The following CACNA2D3 variants were observed in gnomAD, a reference collection of about 807,000 sequenced individuals.
The protein encoded by CACNA2D3 is voltage-dependent calcium channel subunit alpha-2/delta-3.
A neutral mutation model predicts 160.6 loss-of-function variants in CACNA2D3; 60 were observed. The observed-to-expected ratio is 0.37, with a 90% CI of 0.30 to 0.46. The LOEUF (loss-of-function observed/expected upper bound fraction) is 0.46. CACNA2D3 is among the 20% of genes least tolerant of loss of function. The pLI, the probability that CACNA2D3 is intolerant of heterozygous loss-of-function variation, is 1.00. For synonymous variants in CACNA2D3, 558 were observed against 492.9 expected (o/e 1.13, Z -1.75); for missense variants, 1,205 against 1,365.0 (o/e 0.88, Z 1.85).
intron 11 of CACNA2D3, among the ~76,000 whole-genome samples, chr3:54,708,988 C>G (rs1469937412): frequency 6.6e-6 from 1 of 150,396 alleles, no homozygotes; most frequent in Non-Finnish European, 1.5e-5. Flanking sequence ...AACCCTAAAA[C>G]CTAATTCTAT....
chr3:54,194,945 T>C (rs1701051899), intron 2 of CACNA2D3, among the ~76,000 whole-genome samples: 1 of 152,206 alleles, frequency 6.6e-6, no homozygotes, highest in African/African-American at 2.4e-5. Flanking sequence ...TTAGGTCTTC[T>C]GTGAAAGGGC....
intron 2 of CACNA2D3, among the ~76,000 whole-genome samples, chr3:54,289,462 C>T (rs1022568421): frequency 2.0e-5 from 3 of 151,874 alleles, no homozygotes; most frequent in Admixed American, 6.6e-5. Context: ...GAATCAATAT[C>T]GTGAAAATGG....
chr3:54,419,690 C>A (rs1699808660), intron 4 of CACNA2D3, among the ~76,000 whole-genome samples: 1 of 152,152 alleles, frequency 6.6e-6, no homozygotes, highest in Non-Finnish European at 1.5e-5. Flanking sequence ...ACTGAAGTTT[C>A]CAGGAGCACC....
chr3:54,543,190 T>C (rs1702008560), intron 5 of CACNA2D3, among the ~76,000 whole-genome samples: 1 of 152,216 alleles, frequency 6.6e-6, no homozygotes, highest in Non-Finnish European at 1.5e-5. Context: ...TATACTGCTG[T>C]TACAGATCAG....
intron 2 of CACNA2D3, chr3:54,272,624 CT>C (rs1211335859): frequency 6.6e-6 from 1 of 152,148 alleles, no homozygotes; most frequent in African/African-American, 2.4e-5. Flanking sequence ...CCAGACACAG[CT>C]GGGTCTGGCT....
rs373887521 is a variant in CACNA2D3 at position 54,225,725 on chromosome 3, C to A, written c.205-94717C>A. On this transcript the variant is annotated intron_variant, in intron 2 of 37. Coordinates refer to ENST00000474759, the MANE Select transcript of CACNA2D3 (RefSeq NM_018398.3). ...CTATTAATTATAGTTATTTTAAAGC[C>A]TGTGTCTGATGACCTCAAACCTGTA... 4.6e-5 allele frequency among the ~76,000 whole-genome samples: 7 copies of A among 151,530 alleles called. 1 individual carries two copies. Among genetic ancestry groups the A allele is most frequent in the Admixed American group, 2.6e-4 (4 of 15,228 alleles).
intron 3 of CACNA2D3, among the ~76,000 whole-genome samples, chr3:54,341,556 A>C (rs1202625505): frequency 6.6e-6 from 1 of 152,226 alleles, no homozygotes. Flanking sequence ...GGATGGCATC[A>C]CACAGATAAT....
At chr3:55,041,703 T>A (rs935433540) in intron 35 of CACNA2D3, among the ~76,000 whole-genome samples, 1 of 152,084 alleles carries the variant, frequency 6.6e-6, no homozygotes, top group Non-Finnish European at 1.5e-5. Flanking sequence ...TTTCTTCTAT[T>A]TTCTTTGGGT....
At chr3:54,497,952 G>A (rs73841612) in intron 4 of CACNA2D3, among the ~76,000 whole-genome samples, 3,480 of 151,568 alleles carry the variant, frequency 0.023, 129 homozygotes, top group African/African-American at 0.079. Flanking sequence ...CAGTTTGGTC[G>A]TGATGTATTA....
intron 13 of CACNA2D3, among the ~76,000 whole-genome samples, chr3:54,806,848 A>T (rs1703142164): frequency 6.6e-6 from 1 of 152,204 alleles, no homozygotes; most frequent in Non-Finnish European, 1.5e-5. Flanking sequence ...ACTGATACCA[A>T]AACAGAGATA....
At chr3:54,149,916 T>TCTCTCTCG (rs1700109071) in intron 2 of CACNA2D3, among the ~76,000 whole-genome samples, 3 of 88,536 alleles carry the variant, frequency 3.4e-5, no homozygotes, top group African/African-American at 1.5e-4. Flanking sequence ...TCTCTCTCTC[T>TCTCTCTCG]CTCTCTCTCT....
rs574659525 is a variant in CACNA2D3, at chr3:54,585,926, A to C, written c.963+4049A>C. ...GATTGTTTGAGTGGATTAAAAAAAC[A>C]CAAACAAACATGATCCAACCGTATG... is the stretch of plus-strand genomic sequence containing the variant. On this transcript the variant is annotated intron_variant, in intron 9 of 37. Transcript: ENST00000474759. Among the ~76,000 whole-genome samples the C allele has an allele frequency of 1.1e-4, 17 of 151,650 alleles. 1 individual carries two copies. The highest frequency in any genetic ancestry group is 3.7e-4 in the African/African-American group (15 of 40,956).
At chr3:54,564,703 C>G (rs1702381412) in intron 6 of CACNA2D3, among the ~76,000 whole-genome samples, 1 of 152,172 alleles carries the variant, frequency 6.6e-6, no homozygotes, top group Non-Finnish European at 1.5e-5. Flanking sequence ...CTTTGTACCA[C>G]TATATGAGGC....
At chr3:54,679,719 G>T (rs1015387188) in intron 11 of CACNA2D3, among the ~76,000 whole-genome samples, 21 of 152,230 alleles carry the variant, frequency 1.4e-4, no homozygotes, top group African/African-American at 4.8e-4. Context: ...TTCGCAGTGG[G>T]TTCAAGGTCA....
At chr3:54,626,441 A>G (rs962564949) in intron 9 of CACNA2D3, 37 of 1,592,458 alleles carry the variant, frequency 2.3e-5, no homozygotes, top group Admixed American at 1.1e-4. Flanking sequence ...GAAGTGGTGA[A>G]GACGCACCTG....
chr3:54,682,096 A>G (rs190264405), intron 11 of CACNA2D3, among the ~76,000 whole-genome samples: 1 of 151,846 alleles, frequency 6.6e-6, no homozygotes, highest in African/African-American at 2.4e-5. Context: ...CGTGATTGCA[A>G]AGTGTGATGT....
At chr3:55,061,821 G>A (rs1704515784) in intron 35 of CACNA2D3, among the ~76,000 whole-genome samples, 1 of 152,158 alleles carries the variant, frequency 6.6e-6, no homozygotes. Flanking sequence ...ATCCGCTTAG[G>A]TCTAGACAGC....
Position 54,995,759 on chromosome 3 carries a change from C to T in CACNA2D3, c.2690+8006C>T, listed in dbSNP as rs144311110. ...ATTAAAAAGTCAGAGTTCTGCTCAC[C>T]AGAAGAGGAGAATAGTTATTGTGAA... On this transcript the variant is annotated intron_variant, in intron 31 of 37. Transcript: ENST00000474759. 4.3e-4 allele frequency among the ~76,000 whole-genome samples: 66 copies of T among 152,320 alleles called. No individual in the cohort carries two copies. The East Asian group carries it at 0.011, about 26-fold the overall frequency.
At chr3:54,133,506 G>A (rs74689083) in intron 2 of CACNA2D3, among the ~76,000 whole-genome samples, 7 of 152,316 alleles carry the variant, frequency 4.6e-5, no homozygotes, top group East Asian at 1.9e-4. Flanking sequence ...TCATCAGAGC[G>A]TTTGGTGGAA....
Sources: gnomAD v4.1 joint callset for allele counts (sites outside exome capture counted in the v4.1 genomes callset) on GRCh38, gnomAD v4.1.1 for gene constraint, MANE v1.5 for transcripts, NCBI Gene and HGNC (gene_info 2026-07-23, HGNC 2026-07-21) for gene names.